The following NAV3 variants were observed in gnomAD, a reference collection of about 807,000 sequenced individuals.
NAV3 encodes neuron navigator 3.
In NAV3, 87 loss-of-function variants were observed where a neutral mutation model predicts 244.7. The observed-to-expected ratio is 0.36, with a 90% CI of 0.30 to 0.42. The LOEUF (loss-of-function observed/expected upper bound fraction) is 0.42, where lower values mean the gene tolerates loss of function less well. Among genes scored for constraint, NAV3 ranks in the 20% least tolerant of loss-of-function variants. The probability of loss-of-function intolerance (pLI) is 1.00; values close to 1 mark genes in which losing one functional copy is unlikely to be tolerated. For synonymous variants in NAV3, 1,126 were observed against 1,042.2 expected (o/e 1.08, Z -1.55); for missense variants, 2,663 against 2,893.3 (o/e 0.92, Z 1.83).
intron 3 of NAV3, among the ~76,000 whole-genome samples, chr12:77,941,678 C>A (rs1889883174): frequency 6.6e-6 from 1 of 152,142 alleles, no homozygotes; most frequent in African/African-American, 2.4e-5. Context: ...TCTTTCCCAG[C>A]TATCTCTTAT....
chr12:77,688,102 A>T, intron 2 of NAV3, among the ~76,000 whole-genome samples: 1 of 152,102 alleles, frequency 6.6e-6, no homozygotes, highest in East Asian at 1.9e-4. Flanking sequence ...ATTTTAACAC[A>T]TGGAAATGTT....
intron 12 of NAV3, among the ~76,000 whole-genome samples, chr12:78,064,426 T>TCTGTCTGTCTGTCTGTCTGCCTGCCTGC (rs66686266): frequency 1.5e-5 from 2 of 136,194 alleles, no homozygotes; most frequent in African/African-American, 5.5e-5. Flanking sequence ...TGTCTGTCTG[T>TCTGTCTGTCTGTCTGTCTGCCTGCCTGC]CTGCCTGCCT....
At chr12:78,043,177 A>C (rs2137110073) in intron 9 of NAV3, among the ~76,000 whole-genome samples, 1 of 152,126 alleles carries the variant, frequency 6.6e-6, no homozygotes, top group African/African-American at 2.4e-5. Flanking sequence ...GAGTGAGAAC[A>C]TGTGGTGTTC....
chr12:77,699,626 T>C (rs1008930174), intron 2 of NAV3, among the ~76,000 whole-genome samples: 3 of 151,970 alleles, frequency 2.0e-5, no homozygotes, highest in Admixed American at 2.0e-4. Flanking sequence ...GGTATGACTT[T>C]CAGGCTGGGC....
At chr12:77,793,504 G>T (rs1461487097) in intron 2 of NAV3, among the ~76,000 whole-genome samples, 1 of 152,034 alleles carries the variant, frequency 6.6e-6, no homozygotes, top group Non-Finnish European at 1.5e-5. Context: ...CCTCTTGTTT[G>T]TGATGTTCCC....
In NAV3 at chr12:78,007,412, C is replaced by T. The variant is rs573896613; in HGVS notation, c.1874C>T (p.Pro625Leu). The T allele has an allele frequency of 2.2e-5, 35 of 1,613,962 alleles. No individual in the cohort carries two copies. Among genetic ancestry groups the T allele is most frequent in the South Asian group, 1.3e-4 (12 of 91,064 alleles). Residue 625 changes from proline (P) to leucine (L), a missense_variant, in exon 8 of 40, where the codon CCG (proline) becomes CTG (leucine). Around this residue, in one of 6 missense-constraint regions of NAV3, gnomAD observed 1,521 missense variants for 1,497.0 expected, o/e 1.02. Transcript: ENST00000397909. Reference protein sequence around the residue: ...QLPQQQQHSHPNTATVAPFIY... With the variant: ...QLPQQQQHSHLNTATVAPFIY... ...CCTCAACAGCAGCAACATAGCCACCCGAATACCGCGACAGTGGCACCATTC... is the reference window on the plus strand; with the variant it reads ...CCTCAACAGCAGCAACATAGCCACCTGAATACCGCGACAGTGGCACCATTC...
intron 1 of NAV3, among the ~76,000 whole-genome samples, chr12:77,847,102 A>G (rs1876764460): frequency 6.6e-6 from 1 of 152,132 alleles, no homozygotes; most frequent in Non-Finnish European, 1.5e-5. Context: ...TTTCACTTCA[A>G]CAGTATGCTT....
intron 7 of NAV3, among the ~76,000 whole-genome samples, chr12:78,000,882 G>A (rs2136473753): frequency 6.6e-6 from 1 of 150,888 alleles, no homozygotes; most frequent in African/African-American, 2.4e-5. Context: ...GGAGGCTGAG[G>A]CAGGAGAATG....
intron 22 of NAV3, among the ~76,000 whole-genome samples, chr12:78,156,803 A>G (rs1957322393): frequency 6.6e-6 from 1 of 152,150 alleles, no homozygotes. Context: ...AACAGGTTAA[A>G]CTGAAGTGAC....
chr12:78,207,012 C>T (rs1594053661), intron 39 of NAV3, among the ~76,000 whole-genome samples: 3 of 151,994 alleles, frequency 2.0e-5, no homozygotes, highest in Admixed American at 1.3e-4. Flanking sequence ...TCATGCACCA[C>T]CATGCCTGGC....
intron 2 of NAV3, among the ~76,000 whole-genome samples, chr12:77,718,858 G>A (rs1456969411): frequency 6.6e-6 from 1 of 152,074 alleles, no homozygotes; most frequent in South Asian, 2.1e-4. Context: ...GTTTCTGCAT[G>A]TTGGTCAGGT....
chr12:78,085,633 A>G (rs553067081), intron 12 of NAV3, among the ~76,000 whole-genome samples: 3 of 152,240 alleles, frequency 2.0e-5, no homozygotes, highest in East Asian at 3.9e-4. Context: ...AAGGGAGAAG[A>G]TGAATTCAGT....
intron 2 of NAV3, among the ~76,000 whole-genome samples, chr12:77,796,930 G>A (rs560205313): frequency 3.3e-5 from 5 of 151,940 alleles, no homozygotes; most frequent in Non-Finnish European, 7.4e-5. Context: ...AAACCAACAA[G>A]TTTGTGTGAC....
At chr12:78,067,185 T>C (rs1367461669) in intron 12 of NAV3, among the ~76,000 whole-genome samples, 1 of 152,106 alleles carries the variant, frequency 6.6e-6, no homozygotes, top group African/African-American at 2.4e-5. Context: ...GTTGATTTGT[T>C]CCAGTACAAT....
chr12:77,985,656 C>T (rs1870378196), intron 5 of NAV3, among the ~76,000 whole-genome samples: 1 of 152,020 alleles, frequency 6.6e-6, no homozygotes, highest in African/African-American at 2.4e-5. Context: ...TTTTCCCACA[C>T]TCCTTTCTAT....
intron 3 of NAV3, among the ~76,000 whole-genome samples, chr12:77,962,393 A>G (rs1892104697): frequency 1.3e-5 from 2 of 152,172 alleles, no homozygotes; most frequent in Non-Finnish European, 1.5e-5. Flanking sequence ...CGAAAAAGAA[A>G]CTTCCGACTT....
rs554535442 is a variant in NAV3 at position 77,659,971 on chromosome 12, AG to A, written c.72+87711del. 4.0e-4 allele frequency among the ~76,000 whole-genome samples: 24 copies of A among 60,360 alleles called. No homozygotes were observed. The South Asian group carries it at 0.013, about 32-fold the overall frequency. 39.6% of individuals were successfully genotyped at this position (60,360 alleles called of 152,430 possible). A position where few individuals can be genotyped will look rare whatever the true frequency, so the allele number is the denominator to read the frequency against. On this transcript the variant is annotated intron_variant, in intron 2 of 8. Coordinates refer to the NAV3 transcript ENST00000550042. ...CTGGGGACTGTTGTGGGGTAGGGGG[AG>A]GGGGGAGGGATAGCACTGGGAGATA...
At chr12:77,779,169 T>C (rs1349491174) in intron 2 of NAV3, among the ~76,000 whole-genome samples, 1 of 152,240 alleles carries the variant, frequency 6.6e-6, no homozygotes, top group Non-Finnish European at 1.5e-5. Flanking sequence ...ATAGATATTA[T>C]GAAACCACTG....
chr12:78,116,655 A>G, intron 12 of NAV3, 117 bp from the exon 13 acceptor site: 1 of 1,152,860 alleles, frequency 8.7e-7, no homozygotes, highest in South Asian at 2.4e-5. Context: ...GACTTTTCAT[A>G]AGATATTTTT....
Sources: gnomAD v4.1 joint callset for allele counts (sites outside exome capture counted in the v4.1 genomes callset) on GRCh38, gnomAD v4.1.1 for gene constraint, gnomAD v4.1.1 regional missense constraint, MANE v1.5 for transcripts, NCBI Gene and HGNC (gene_info 2026-07-23, HGNC 2026-07-21) for gene names.